CDH10: variants seen among roughly 807,000 people sequenced by gnomAD.
CDH10 encodes the protein cadherin-10.
In CDH10, 30 loss-of-function variants were observed where a neutral mutation model predicts 73.1. That is an observed-to-expected ratio of 0.41 (90% CI 0.31 to 0.56). The LOEUF is 0.56. Among genes scored for constraint, CDH10 ranks in the 20% least tolerant of loss-of-function variants. CDH10 has a pLI of 0.27. For synonymous variants in CDH10, 345 were observed against 348.2 expected (o/e 0.99, Z 0.10); for missense variants, 815 against 973.7 (o/e 0.84, Z 2.17).
chr5:24,566,196 G>A (rs1308782464), intron 2 of CDH10, among the ~76,000 whole-genome samples: 1 of 151,878 alleles, frequency 6.6e-6, no homozygotes, highest in East Asian at 1.9e-4. Flanking sequence ...TTACAGACAT[G>A]CACCACCACA....
At chr5:24,542,508 G>A (rs1028164346) in intron 2 of CDH10, among the ~76,000 whole-genome samples, 7 of 152,138 alleles carry the variant, frequency 4.6e-5, no homozygotes, top group African/African-American at 1.7e-4. Context: ...TAACCTAGGA[G>A]CAATAGGCCC....
chr5:24,625,571 A>ATTCATATATATGAATATATATGTG (rs1242781072), intron 1 of CDH10, among the ~76,000 whole-genome samples: 32 of 35,330 alleles, frequency 9.1e-4, no homozygotes, highest in Non-Finnish European at 5.9e-3. Context: ...ATTCATATAT[A>ATTCATATATATGAATATATATGTG]TACATATATT....
At chr5:24,560,103 G>A (rs574319382) in intron 2 of CDH10, among the ~76,000 whole-genome samples, 1 of 151,984 alleles carries the variant, frequency 6.6e-6, no homozygotes, top group African/African-American at 2.4e-5. Context: ...AGTAATCCAC[G>A]ATCCCAGATG....
At chr5:24,511,895 A>T (rs1040391534) in intron 5 of CDH10, among the ~76,000 whole-genome samples, 5 of 152,204 alleles carry the variant, frequency 3.3e-5, no homozygotes, top group African/African-American at 1.2e-4. Context: ...AGAAAATCAA[A>T]TGTCACACGT....
chr5:24,487,436 A>G lies in CDH10; in HGVS notation c.*227T>C. 2 of 465,882 alleles carry G rather than the reference A, an allele frequency of 4.3e-6. No individual in the cohort carries two copies. The highest frequency in any genetic ancestry group is 3.8e-6 in the Non-Finnish European group (1 of 260,890). 28.9% of individuals were successfully genotyped at this position (465,882 alleles called of 1,614,324 possible). ...TATTTACTAAGATGGACAACACTGT[A>G]TTTCCATAGCTTTGGCTCTTGGAAG... is the stretch of plus-strand genomic sequence containing the variant. On this transcript the variant is annotated 3_prime_UTR_variant, in exon 12 of 12. Coordinates refer to ENST00000264463, the MANE Select transcript of CDH10 (RefSeq NM_006727.5).
At chr5:24,575,355 C>CAAAAAAAAAAAAA (rs751333761) in intron 2 of CDH10, among the ~76,000 whole-genome samples, 10 of 123,830 alleles carry the variant, frequency 8.1e-5, no homozygotes, top group African/African-American at 1.4e-4. Flanking sequence ...ACAAAAACAA[C>CAAAAAAAAAAAAA]AAAAAAAAAA....
Position 24,593,360 on chromosome 5 carries a change from C to A in CDH10, c.131G>T (p.Ser44Ile). The A allele has an allele frequency of 6.2e-7, 1 of 1,612,880 alleles. No individual in the cohort carries two copies. Among genetic ancestry groups the A allele is most frequent in the Non-Finnish European group, 8.5e-7 (1 of 1,179,030 alleles). ...QRILSSRVPRSDGKILHRQKR... is the reference protein window; with the variant it reads ...QRILSSRVPRIDGKILHRQKR... ...TTGACGATGGAGAATTTTGCCATCA[C>A]TCCTTGGTACACGTGAACTTAAAAT... is the stretch of plus-strand genomic sequence containing the variant. The change falls in exon 2 of 12, where the codon AGT becomes ATT. Residue 44 changes from serine (S) to isoleucine (I), a missense_variant. Coordinates refer to ENST00000264463, the MANE Select transcript of CDH10 (RefSeq NM_006727.5).
chr5:24,615,464 G>T (rs747323825), intron 1 of CDH10, among the ~76,000 whole-genome samples: 7 of 152,116 alleles, frequency 4.6e-5, no homozygotes, highest in Non-Finnish European at 8.8e-5. Context: ...CATGAGTACA[G>T]GAAACTAGTT....
chr5:24,623,294 C>T (rs562544332), intron 1 of CDH10, among the ~76,000 whole-genome samples: 1 of 152,216 alleles, frequency 6.6e-6, no homozygotes, highest in South Asian at 2.1e-4. Flanking sequence ...ATGCTAACGA[C>T]CACTTGAGCA....
intron 2 of CDH10, among the ~76,000 whole-genome samples, chr5:24,564,629 T>C (rs1308048204): frequency 2.6e-5 from 4 of 152,178 alleles, no homozygotes; most frequent in African/African-American, 9.7e-5. Flanking sequence ...AATAAATACG[T>C]TTAAAACATG....
intron 1 of CDH10, among the ~76,000 whole-genome samples, chr5:24,607,638 A>C (rs1746804644): frequency 6.6e-6 from 1 of 152,150 alleles, no homozygotes; most frequent in Non-Finnish European, 1.5e-5. Context: ...TTGTCTAGGG[A>C]TGTCCGTTAG....
At chr5:24,643,128 C>T (rs1361703754) in intron 1 of CDH10, among the ~76,000 whole-genome samples, 1 of 152,122 alleles carries the variant, frequency 6.6e-6, no homozygotes, top group Non-Finnish European at 1.5e-5. Context: ...TAAACCATTA[C>T]TTCCTTATGC....
intron 1 of CDH10, among the ~76,000 whole-genome samples, chr5:24,618,959 T>C (rs1248832275): frequency 6.6e-6 from 1 of 152,224 alleles, no homozygotes; most frequent in Non-Finnish European, 1.5e-5. Context: ...ATTGTTTTAA[T>C]GTGTTCTATA....
At chr5:24,596,134 AT>A (rs1366706165) in intron 1 of CDH10, among the ~76,000 whole-genome samples, 18 of 152,140 alleles carry the variant, frequency 1.2e-4, no homozygotes, top group Middle Eastern at 6.8e-3. Flanking sequence ...CAAATCTAAC[AT>A]TTAATTTCTC....
chr5:24,600,542 T>C (rs1223006594), intron 1 of CDH10, among the ~76,000 whole-genome samples: 2 of 152,036 alleles, frequency 1.3e-5, no homozygotes, highest in Non-Finnish European at 2.9e-5. Flanking sequence ...GAGAAATCTT[T>C]TTGGAGGAAA....
intron 2 of CDH10, among the ~76,000 whole-genome samples, chr5:24,584,809 C>T (rs1238571908): frequency 6.6e-6 from 1 of 151,504 alleles, no homozygotes; most frequent in Non-Finnish European, 1.5e-5. Context: ...TTTATCTTAC[C>T]TTTCTGGTTG....
At chr5:24,507,649 C>T (rs1742746091) in intron 7 of CDH10, among the ~76,000 whole-genome samples, 1 of 151,640 alleles carries the variant, frequency 6.6e-6, no homozygotes, top group South Asian at 2.1e-4. Flanking sequence ...ATTTTAAAAT[C>T]TGAAACACAG....
chr5:24,571,097 G>GAGC (rs1745366347), intron 2 of CDH10, among the ~76,000 whole-genome samples: 1 of 152,096 alleles, frequency 6.6e-6, no homozygotes, highest in Non-Finnish European at 1.5e-5. Context: ...TGTCAGTGAA[G>GAGC]AGCAAATTTA....
chr5:24,544,033 C>T (rs757231364), intron 2 of CDH10, among the ~76,000 whole-genome samples: 17 of 152,226 alleles, frequency 1.1e-4, no homozygotes, highest in Admixed American at 6.6e-4. Context: ...TGGTGGCTTA[C>T]GCCTGTAATC....
Sources: allele counts gnomAD v4.1 joint callset (sites outside exome capture counted in the v4.1 genomes callset), GRCh38; gene constraint gnomAD v4.1.1; transcripts MANE v1.5; gene names NCBI Gene and HGNC (gene_info 2026-07-23, HGNC 2026-07-21).